The following ZNF710 variants were observed in gnomAD, a reference collection of about 807,000 sequenced individuals.
The protein encoded by ZNF710 is zinc finger protein 710.
In ZNF710, 13 loss-of-function variants were observed where a neutral mutation model predicts 50.6. The observed-to-expected ratio is 0.26, with a 90% CI of 0.17 to 0.41. ZNF710 has a LOEUF of 0.41. Among genes scored for constraint, ZNF710 ranks in the 10% least tolerant of loss-of-function variants. The probability of loss-of-function intolerance (pLI) is 1.00; values close to 1 mark genes in which losing one functional copy is unlikely to be tolerated. For missense variants in ZNF710, 721 were observed against 936.6 expected (o/e 0.77, Z 3.01); for synonymous variants, 383 against 397.0 (o/e 0.96, Z 0.42).
At chr15:90,022,965 C>G (rs1426060242) in intron 1 of ZNF710, among the ~76,000 whole-genome samples, 1 of 152,108 alleles carries the variant, frequency 6.6e-6, no homozygotes, top group Non-Finnish European at 1.5e-5. Context: ...AGGGTTTTCC[C>G]CAGTCCTGGC....
chr15:90,044,763 C>T (rs1478568695), intron 1 of ZNF710, among the ~76,000 whole-genome samples: 1 of 152,166 alleles, frequency 6.6e-6, no homozygotes, highest in Admixed American at 6.5e-5. Flanking sequence ...GCCTGGTTAG[C>T]ACATTTACTT....
At chr15:90,054,655 A>G (rs561427814) in intron 1 of ZNF710, among the ~76,000 whole-genome samples, 3 of 152,326 alleles carry the variant, frequency 2.0e-5, no homozygotes, top group African/African-American at 7.2e-5. Flanking sequence ...AGCGCAGTGA[A>G]TGGTCCTATT....
intron 1 of ZNF710, among the ~76,000 whole-genome samples, chr15:90,027,160 C>G (rs1898803349): frequency 6.6e-6 from 1 of 152,006 alleles, no homozygotes; most frequent in Admixed American, 6.5e-5. Context: ...CAAAAGTCAT[C>G]AAAAAATTCA....
intron 4 of ZNF710, chr15:90,074,583 C>T: frequency 7.9e-7 from 1 of 1,264,094 alleles, no homozygotes; most frequent in South Asian, 1.4e-5. Flanking sequence ...ATGTGATCCT[C>T]AAAGCGAGGT....
rs548609306 is a variant in ZNF710, at chr15:90,067,910, C to T, written c.773C>T (p.Thr258Met). The change falls in exon 2 of 5, where the codon ACG becomes ATG. Residue 258 changes from threonine (T) to methionine (M), a missense_variant. Thr to Met is a moderately conservative substitution (Grantham distance 81). Around this residue, in one of 3 missense-constraint regions of ZNF710, gnomAD observed 326 missense variants for 522.0 expected, o/e 0.62. Transcript: ENST00000268154. This position sits in a 1 kb window ranked among gnomAD's most constrained non-coding sequence, Gnocchi z 8.1. ...WQEASEFEAD[T>M]AGSTVERHKK... is the part of the protein sequence containing the mutation. ...GAGGCCAGTGAGTTCGAGGCTGACA[C>T]GGCGGGTTCGACCGTGGAACGCCAC... is the stretch of plus-strand genomic sequence containing the variant. 1.2e-5 allele frequency: 19 copies of T among 1,609,040 alleles called. No individual in the cohort carries two copies. The highest frequency in any genetic ancestry group is 5.0e-5 in the Admixed American group (3 of 59,852).
At chr15:90,074,532 A>C in intron 4 of ZNF710, 1 of 1,455,418 alleles carries the variant, frequency 6.9e-7, no homozygotes, top group Non-Finnish European at 9.1e-7. Context: ...CATAACTAAC[A>C]TTTATTGAGT....
intron 4 of ZNF710, among the ~76,000 whole-genome samples, chr15:90,079,171 C>T (rs1181130903): frequency 6.6e-6 from 1 of 152,234 alleles, no homozygotes; most frequent in African/African-American, 2.4e-5. Context: ...TGATTCACCT[C>T]TCTAAACCTC....
intron 1 of ZNF710, among the ~76,000 whole-genome samples, chr15:90,037,336 G>A (rs115194856): frequency 0.021 from 3,154 of 152,304 alleles, 110 homozygotes; most frequent in African/African-American, 0.071. Flanking sequence ...CAGGGCCACT[G>A]GGACTGGGAA....
intron 4 of ZNF710, among the ~76,000 whole-genome samples, chr15:90,079,074 G>A (rs918976106): frequency 2.6e-5 from 4 of 152,184 alleles, no homozygotes; most frequent in African/African-American, 9.7e-5. Flanking sequence ...CACAGCTGCC[G>A]GCAGGAGGCC....
rs1900279070 is a variant in ZNF710 at position 90,068,803 on chromosome 15, A to T, written c.1458+208A>T. ...AGTAAAGCTTTATGCATTCAAAAAC[A>T]TGTATTTGGCCAGGCACAATGGCTC... On this transcript the variant is annotated intron_variant, in intron 2 of 4. Transcript: ENST00000268154. The surrounding 1 kb of genome is among the most constrained non-coding windows in gnomAD (Gnocchi z 5.0). Among the ~76,000 whole-genome samples the T allele has an allele frequency of 6.6e-6, 1 of 152,248 alleles. No homozygotes were observed. Among genetic ancestry groups the T allele is most frequent in the Non-Finnish European group, 1.5e-5 (1 of 68,050 alleles).
At chr15:90,054,142 G>A (rs1179581218) in intron 1 of ZNF710, among the ~76,000 whole-genome samples, 1 of 152,194 alleles carries the variant, frequency 6.6e-6, no homozygotes, top group Admixed American at 6.5e-5. Flanking sequence ...AGAGAGCAGA[G>A]GCAAAGGACA....
At chr15:90,036,248 C>A (rs892381436) in intron 1 of ZNF710, among the ~76,000 whole-genome samples, 1 of 131,986 alleles carries the variant, frequency 7.6e-6, no homozygotes, top group Non-Finnish European at 1.6e-5. Context: ...CCCACCCCCT[C>A]CGCCTCTGTT....
chr15:90,065,440 G>A lies in ZNF710; in HGVS notation c.-28-1670G>A, dbSNP rs559668512. 8.5e-5 allele frequency among the ~76,000 whole-genome samples: 13 copies of A among 152,350 alleles called. No individual in the cohort carries two copies. The South Asian group carries it at 1.7e-3, about 19-fold the overall frequency. ...AGGGGTATAGGCCCAGGAGGAGGTC[G>A]CCACTGCCTGGCGTGCTGCAGTCCT... On this transcript the variant is annotated intron_variant, in intron 1 of 4. Coordinates refer to ENST00000268154, the MANE Select transcript of ZNF710 (RefSeq NM_198526.4).
rs989175321 is a variant in ZNF710 at position 90,034,574 on chromosome 15, G to A, written c.-28-32536G>A. Among the ~76,000 whole-genome samples the A allele has an allele frequency of 1.3e-5, 2 of 151,968 alleles. No homozygotes were observed. Among genetic ancestry groups the A allele is most frequent in the African/African-American group, 2.4e-5 (1 of 41,336 alleles). ...TGCTGATTAACTCAGTTCCTGGAGG[G>A]CCCTCCCTAGCAGCAGGGGAAGCCT... On this transcript the variant is annotated intron_variant, in intron 1 of 4. Transcript: ENST00000268154. The surrounding 1 kb of genome is among the most constrained non-coding windows in gnomAD (Gnocchi z 4.0).
At chr15:90,027,716 G>A (rs1898820123) in intron 1 of ZNF710, among the ~76,000 whole-genome samples, 1 of 152,034 alleles carries the variant, frequency 6.6e-6, no homozygotes, top group Non-Finnish European at 1.5e-5. Context: ...GCTGGATGTG[G>A]TGGTGTGTGC....
intron 1 of ZNF710, 23 bp downstream of exon 1, chr15:90,001,637 CGCCCCAGCCCCA>C (rs547516817): frequency 6.9e-6 from 1 of 144,000 alleles, no homozygotes; most frequent in Non-Finnish European, 1.5e-5. Context: ...CGCGGCCCCC[CGCCCCAGCCCCA>C]GCCCCAGCCC....
At chr15:90,065,639 G>T (rs1035641981) in intron 1 of ZNF710, among the ~76,000 whole-genome samples, 1 of 152,216 alleles carries the variant, frequency 6.6e-6, no homozygotes, top group African/African-American at 2.4e-5. Context: ...CTCCACAGAC[G>T]GCTCACGGAG....
intron 1 of ZNF710, among the ~76,000 whole-genome samples, chr15:90,031,719 C>T (rs902019864): frequency 6.6e-6 from 1 of 152,184 alleles, no homozygotes. Flanking sequence ...ATCTCTCACT[C>T]TCTGCTGGGG....
In ZNF710 at chr15:90,066,193, G is replaced by A. The variant is rs563812359; in HGVS notation, c.-28-917G>A. Among the ~76,000 whole-genome samples the A allele has an allele frequency of 8.5e-5, 13 of 152,326 alleles. No individual in the cohort carries two copies. The South Asian group carries it at 2.1e-3, about 24-fold the overall frequency. On this transcript the variant is annotated intron_variant, in intron 1 of 4. Transcript: ENST00000268154. ...TCGGGGCTGACAAGTGACAGCCAGT[G>A]TTTGAGATTGGCCTCAGCACCTAGT...
Sources: gnomAD v4.1 joint callset for allele counts (sites outside exome capture counted in the v4.1 genomes callset) on GRCh38, gnomAD v4.1.1 for gene constraint, gnomAD v4.1.1 regional missense constraint, Gnocchi (gnomAD v3.1) non-coding constraint, MANE v1.5 for transcripts, NCBI Gene and HGNC (gene_info 2026-07-23, HGNC 2026-07-21) for gene names.